The following SLC4A4 variants were observed in gnomAD, a reference collection of about 807,000 sequenced individuals.
SLC4A4 encodes the protein electrogenic sodium bicarbonate cotransporter 1.
SLC4A4 carries 27 observed loss-of-function variants against 111.5 expected under a neutral mutation model. That is an observed-to-expected ratio of 0.24 (90% confidence interval 0.18 to 0.33). SLC4A4 has a LOEUF of 0.33. SLC4A4 is among the 10% of genes least tolerant of loss of function. The probability of loss-of-function intolerance (pLI) is 1.00; values close to 1 mark genes in which losing one functional copy is unlikely to be tolerated. For missense variants in SLC4A4, 909 were observed against 1,315.5 expected (o/e 0.69, Z 4.78); for synonymous variants, 443 against 463.4 (o/e 0.96, Z 0.57).
chr4:71,103,339 A>G (rs1233835587), intron 2 of SLC4A4, among the ~76,000 whole-genome samples: 1 of 152,164 alleles, frequency 6.6e-6, no homozygotes, highest in Non-Finnish European at 1.5e-5. Context: ...TTAACATCCC[A>G]CTGTCAACAT....
At chr4:71,404,676 T>G (rs1720677147) in intron 7 of SLC4A4, among the ~76,000 whole-genome samples, 1 of 152,174 alleles carries the variant, frequency 6.6e-6, no homozygotes, top group African/African-American at 2.4e-5. Flanking sequence ...GAAACGAGCA[T>G]TTTTCTTCTT....
At position 71,440,665 on chromosome 4, in the gene SLC4A4, A is replaced by G. The variant is rs1156536835; in HGVS notation, c.857A>G (p.Asn286Ser). 1.2e-6 allele frequency: 2 copies of G among 1,613,986 alleles called. No individual in the cohort carries two copies. The highest frequency in any genetic ancestry group is 1.7e-6 in the Non-Finnish European group (2 of 1,179,996). ...TTGCCACGTGATGCAGAAGCTTCCA[A>G]CGTGCTTGTTGGGGAGGTTGACTTT... ...KKLPRDAEAS[N>S]VLVGEVDFLD... The change falls in exon 8 of 26, where the codon AAC becomes AGC. Residue 286 changes from asparagine to serine, a missense_variant. Physicochemically the swap from Asn to Ser is conservative, Grantham distance 46. This residue lies in a region of SLC4A4 where 312 missense variants were observed against 402.0 expected (regional missense o/e 0.78). Coordinates refer to ENST00000264485, the MANE Select transcript of SLC4A4 (RefSeq NM_001098484.3).
At chr4:71,226,124 G>A (rs888568178) in intron 1 of SLC4A4, among the ~76,000 whole-genome samples, 1 of 152,170 alleles carries the variant, frequency 6.6e-6, no homozygotes, top group Non-Finnish European at 1.5e-5. Flanking sequence ...CTTTCCTGCT[G>A]CTTCTGGGTA....
chr4:71,530,118 G>T (rs1275914103), intron 16 of SLC4A4, among the ~76,000 whole-genome samples: 1 of 152,096 alleles, frequency 6.6e-6, no homozygotes, highest in Non-Finnish European at 1.5e-5. Context: ...GCTCTGAGTG[G>T]CAGTTCCATG....
chr4:71,355,050 G>A (rs1730164251), intron 5 of SLC4A4, among the ~76,000 whole-genome samples: 1 of 152,112 alleles, frequency 6.6e-6, no homozygotes, highest in Admixed American at 6.5e-5. Context: ...CTATAATGTT[G>A]GCCGTTTTAA....
At chr4:71,488,888 A>ATGTGTGTGTG (rs66801188) in intron 15 of SLC4A4, among the ~76,000 whole-genome samples, 2,780 of 140,610 alleles carry the variant, frequency 0.02, 99 homozygotes, top group East Asian at 0.13. Flanking sequence ...AGAAGAAAAA[A>ATGTGTGTGTG]TGTGTGTGTG....
At chr4:71,558,779 G>GA (rs1221620002) in intron 22 of SLC4A4, among the ~76,000 whole-genome samples, 1 of 151,532 alleles carries the variant, frequency 6.6e-6, no homozygotes, top group African/African-American at 2.4e-5. Context: ...AAGGATGCAA[G>GA]AAAAAATGGA....
At chr4:71,208,087 A>G (rs1183388504) in intron 1 of SLC4A4, among the ~76,000 whole-genome samples, 1 of 152,044 alleles carries the variant, frequency 6.6e-6, no homozygotes, top group Non-Finnish European at 1.5e-5. Context: ...GGGATTACAG[A>G]TCTGAGCCAC....
intron 2 of SLC4A4, among the ~76,000 whole-genome samples, chr4:71,247,646 C>T (rs1414676993): frequency 2.0e-5 from 3 of 152,152 alleles, no homozygotes; most frequent in Non-Finnish European, 4.4e-5. Flanking sequence ...TATCTTCCAA[C>T]CCTACTTCCC....
At chr4:71,393,568 T>C (rs369399595) in intron 6 of SLC4A4, among the ~76,000 whole-genome samples, 3 of 152,200 alleles carry the variant, frequency 2.0e-5, no homozygotes, top group East Asian at 3.9e-4. Flanking sequence ...AGAATCTATA[T>C]TGTGAAAATG....
intron 2 of SLC4A4, among the ~76,000 whole-genome samples, chr4:71,124,078 C>A (rs1326013608): frequency 6.6e-6 from 1 of 152,018 alleles, no homozygotes; most frequent in Non-Finnish European, 1.5e-5. Context: ...CACTTTAGCA[C>A]CCTACCTTCC....
chr4:71,281,206 G>T (rs937854323), intron 3 of SLC4A4, among the ~76,000 whole-genome samples: 1 of 152,148 alleles, frequency 6.6e-6, no homozygotes. Context: ...GATGCTAGAC[G>T]TTGTGTTTAG....
At position 71,266,035 on chromosome 4, in the gene SLC4A4, G is replaced by C. The variant is rs146637266; in HGVS notation, c.253+10636G>C. ...TACTTTTTATAGGAGGTGACCTCAA[G>C]TCTTTGTTCAGCCACAAGATAAAGC... On this transcript the variant is annotated intron_variant, in intron 3 of 25. Transcript: ENST00000264485. Among the ~76,000 whole-genome samples, 404 of 152,208 alleles carry C rather than the reference G, an allele frequency of 2.7e-3. 1 individual carries two copies. The highest frequency in any genetic ancestry group is 9.1e-3 in the African/African-American group (377 of 41,542).
intron 3 of SLC4A4, among the ~76,000 whole-genome samples, chr4:71,256,642 G>A (rs2257077): frequency 0.89 from 135,286 of 152,244 alleles, 61,679 homozygotes; most frequent in Non-Finnish European, 0.99. Context: ...ACTGGGGGAA[G>A]GTCTGTCTGA....
At chr4:71,452,856 AC>A (rs1725897131) in intron 11 of SLC4A4, among the ~76,000 whole-genome samples, 1 of 151,624 alleles carries the variant, frequency 6.6e-6, no homozygotes, top group Non-Finnish European at 1.5e-5. Flanking sequence ...AATTTCAACC[AC>A]CTTTTTTCCA....
chr4:71,202,029 C>T (rs547690399), intron 1 of SLC4A4, among the ~76,000 whole-genome samples: 1 of 152,312 alleles, frequency 6.6e-6, no homozygotes, highest in East Asian at 1.9e-4. Flanking sequence ...GTGATAAGAG[C>T]AGTTCATAAC....
At chr4:71,247,291 C>T (rs1720744886) in intron 2 of SLC4A4, among the ~76,000 whole-genome samples, 1 of 145,728 alleles carries the variant, frequency 6.9e-6, no homozygotes, top group South Asian at 2.2e-4. Flanking sequence ...GATATATAAC[C>T]ATATGTAATA....
At position 71,395,317 on chromosome 4, in the gene SLC4A4, C is replaced by G. The variant is rs1231946929; in HGVS notation, c.731-2260C>G. ...CTTGCTTAGTTACTAGAAGTGTTGA[C>G]TAGCAGACTCTTGCAGTGTTAAACA... On this transcript the variant is annotated intron_variant, in intron 6 of 25. Coordinates refer to ENST00000264485, the MANE Select transcript of SLC4A4 (RefSeq NM_001098484.3). 2.6e-5 allele frequency among the ~76,000 whole-genome samples: 4 copies of G among 152,152 alleles called. No homozygotes were observed. The South Asian group carries it at 8.3e-4, about 32-fold the overall frequency.
At position 71,532,721 on chromosome 4, in the gene SLC4A4, G is replaced by A. The variant is rs147203926; in HGVS notation, c.2280+546G>A. On this transcript the variant is annotated intron_variant, in intron 17 of 25. Coordinates refer to ENST00000264485, the MANE Select transcript of SLC4A4 (RefSeq NM_001098484.3). ...AGGTCTCACTATATTACCCAGTCTGGTCATCATCCTGATTTTATAAAGTTA... is the reference window on the plus strand; with the variant it reads ...AGGTCTCACTATATTACCCAGTCTGATCATCATCCTGATTTTATAAAGTTA... Among the ~76,000 whole-genome samples the A allele has an allele frequency of 1.7e-3, 263 of 152,080 alleles. 2 individuals are homozygous for A. Among genetic ancestry groups the A allele is most frequent in the African/African-American group, 6.0e-3 (247 of 41,490 alleles).
Sources: allele counts gnomAD v4.1 joint callset (sites outside exome capture counted in the v4.1 genomes callset), GRCh38; gene constraint gnomAD v4.1.1; regional missense constraint gnomAD v4.1.1; transcripts MANE v1.5; gene names NCBI Gene and HGNC (gene_info 2026-07-23, HGNC 2026-07-21).